The following PRRC1 variants were observed in gnomAD, a reference collection of about 807,000 sequenced individuals.
PRRC1 encodes protein PRRC1.
PRRC1 carries 39 observed loss-of-function variants against 40.7 expected under a neutral mutation model. The ratio of observed to expected loss-of-function variants is 0.96; its 90% CI spans 0.74 to 1.25. The LOEUF is 1.25. PRRC1 is among the 50% of genes most tolerant of loss of function. PRRC1 has a pLI of 0.00. For missense variants in PRRC1, 573 were observed against 548.3 expected (o/e 1.05, Z -0.45); for synonymous variants, 175 against 193.3 (o/e 0.91, Z 0.79).
rs894471135 is a variant in PRRC1 at position 127,552,449 on chromosome 5, C to T, written c.*533C>T. The T allele has an allele frequency of 1.0e-6, 1 of 986,946 alleles. No homozygotes were observed. 61.1% of individuals were successfully genotyped at this position (986,946 alleles called of 1,614,324 possible). On this transcript the variant is annotated 3_prime_UTR_variant, in exon 9 of 9. Coordinates refer to ENST00000296666, the MANE Select transcript of PRRC1 (RefSeq NM_130809.5). Reference sequence around the variant, plus strand: ...TCGGGAGATGTTCCACATTTCTGTGCATGTTTTCAGTAATATGGGCCAAAA... The same window carrying T: ...TCGGGAGATGTTCCACATTTCTGTGTATGTTTTCAGTAATATGGGCCAAAA...
rs73786124 is a variant in PRRC1, at chr5:127,531,377, A to G, written c.757+981A>G. Among the ~76,000 whole-genome samples the G allele has an allele frequency of 5.4e-3, 828 of 152,260 alleles. 9 individuals carry two copies. The highest frequency in any genetic ancestry group is 0.019 in the African/African-American group (803 of 41,552). Reference sequence around the variant, plus strand: ...CTTGTAGTAGAAAATTGAATCAAGCATTAAATCAACTGAGTTGTTCTTTGT... The same window carrying G: ...CTTGTAGTAGAAAATTGAATCAAGCGTTAAATCAACTGAGTTGTTCTTTGT... On this transcript the variant is annotated intron_variant, in intron 5 of 8. Coordinates refer to ENST00000296666, the MANE Select transcript of PRRC1 (RefSeq NM_130809.5).
chr5:127,529,348 CT>C (rs1459239479), intron 4 of PRRC1, among the ~76,000 whole-genome samples: 4 of 152,028 alleles, frequency 2.6e-5, no homozygotes, highest in Non-Finnish European at 5.9e-5. Context: ...CCCCTCTGTA[CT>C]TTTTTAAAAA....
chr5:127,539,881 A>C (rs940732773), intron 7 of PRRC1, among the ~76,000 whole-genome samples: 6 of 152,118 alleles, frequency 3.9e-5, no homozygotes, highest in Admixed American at 1.3e-4. Context: ...TGTAAAAAGG[A>C]AACATAATTT....
intron 5 of PRRC1, among the ~76,000 whole-genome samples, chr5:127,532,403 G>A (rs1205515230): frequency 1.3e-5 from 2 of 152,144 alleles, no homozygotes; most frequent in East Asian, 1.9e-4. Context: ...CACCGCGCCC[G>A]GCCATCTTAA....
At chr5:127,527,228 T>C (rs1767642181) in intron 4 of PRRC1, among the ~76,000 whole-genome samples, 1 of 152,216 alleles carries the variant, frequency 6.6e-6, no homozygotes. Flanking sequence ...TGTATGTGTT[T>C]ATTATGCACA....
At chr5:127,543,232 C>T (rs557898848) in intron 7 of PRRC1, among the ~76,000 whole-genome samples, 16 of 152,260 alleles carry the variant, frequency 1.1e-4, no homozygotes, top group South Asian at 2.1e-4. Context: ...GAGTTTCTGC[C>T]GAGAGATCTG....
In PRRC1 at chr5:127,523,601, C is replaced by T; in HGVS notation, c.103+19C>T. On this transcript the variant is annotated intron_variant, in intron 2 of 8. Coordinates refer to ENST00000296666, the MANE Select transcript of PRRC1 (RefSeq NM_130809.5). ...CCATTAGGTACATGTAGTTGTCTAA[C>T]ATCTCGTGTGTTTTGAGAATAGTGA... 1 of 1,476,632 alleles carries T rather than the reference C, an allele frequency of 6.8e-7. No homozygotes were observed. Among genetic ancestry groups the T allele is most frequent in the Non-Finnish European group, 9.3e-7 (1 of 1,076,208 alleles). 91.5% of individuals were successfully genotyped at this position (1,476,632 alleles called of 1,614,324 possible).
At chr5:127,518,954 C>T (rs1477511569) in intron 1 of PRRC1, among the ~76,000 whole-genome samples, 1 of 152,070 alleles carries the variant, frequency 6.6e-6, no homozygotes, top group African/African-American at 2.4e-5. Flanking sequence ...GTAGAAGGCA[C>T]TATGTTTATG....
At chr5:127,533,534 T>C (rs1326346749) in intron 5 of PRRC1, 89 bp from the exon 6 acceptor site, 2 of 1,007,544 alleles carry the variant, frequency 2.0e-6, no homozygotes, top group East Asian at 4.8e-5. Context: ...AATAATTATG[T>C]ATATTAGATG....
At chr5:127,532,693 A>T (rs994786726) in intron 5 of PRRC1, among the ~76,000 whole-genome samples, 6 of 152,234 alleles carry the variant, frequency 3.9e-5, no homozygotes, top group Non-Finnish European at 5.9e-5. Context: ...GTCAGTCAGG[A>T]AAAAGGGATC....
intron 1 of PRRC1, among the ~76,000 whole-genome samples, chr5:127,522,526 G>A (rs1580927501): frequency 6.6e-6 from 1 of 152,016 alleles, no homozygotes; most frequent in Non-Finnish European, 1.5e-5. Context: ...GAGTTGCTGG[G>A]ACCATAGGCA....
intron 1 of PRRC1, among the ~76,000 whole-genome samples, chr5:127,518,194 T>A (rs1767366258): frequency 6.6e-6 from 1 of 152,198 alleles, no homozygotes; most frequent in Non-Finnish European, 1.5e-5. Flanking sequence ...TGGCAGAGCC[T>A]GAGGGGAAGC....
intron 7 of PRRC1, among the ~76,000 whole-genome samples, chr5:127,544,971 G>A (rs1190438288): frequency 2.6e-5 from 4 of 152,200 alleles, no homozygotes; most frequent in Admixed American, 1.3e-4. Context: ...CGTCTTCTGC[G>A]TCGCTCACGC....
rs1767570435 is a variant in PRRC1 at position 127,524,782 on chromosome 5, A to G, written c.355A>G (p.Thr119Ala). The G allele has an allele frequency of 6.2e-6, 10 of 1,612,904 alleles. No individual in the cohort carries two copies. The highest frequency in any genetic ancestry group is 1.3e-5 in the African/African-American group (1 of 74,510). Reference sequence around the variant, plus strand: ...CCCACCTTCAACTTCTGCCCCAAACACTCTTTTACCTGCACCCCCTTCGGG... The same window carrying G: ...CCCACCTTCAACTTCTGCCCCAAACGCTCTTTTACCTGCACCCCCTTCGGG... ...HFPPSTSAPN[T>A]LLPAPPSGPP... Residue 119 changes from threonine to alanine, a missense_variant, in exon 3 of 9, where the codon ACT (threonine) becomes GCT (alanine). By Grantham distance (58) the Thr-to-Ala change is moderately conservative. Coordinates refer to ENST00000296666, the MANE Select transcript of PRRC1 (RefSeq NM_130809.5).
intron 7 of PRRC1, among the ~76,000 whole-genome samples, chr5:127,546,102 C>G (rs1768212344): frequency 6.6e-6 from 1 of 152,142 alleles, no homozygotes; most frequent in Admixed American, 6.5e-5. Context: ...GACAGTGTCT[C>G]ACATTGTCAG....
intron 5 of PRRC1, 38 bp downstream of exon 5, chr5:127,530,434 T>C: frequency 6.8e-7 from 1 of 1,465,846 alleles, no homozygotes; most frequent in Non-Finnish European, 9.5e-7. Context: ...GCCATTTTTT[T>C]TTTAAGGGTA....
At position 127,553,956 on chromosome 5, in the gene PRRC1, G is replaced by A. The variant is rs1481445385; in HGVS notation, c.*2040G>A. On this transcript the variant is annotated 3_prime_UTR_variant, in exon 9 of 9. Transcript: ENST00000296666. ...GGTCAGATGGAAGAGAGAAATACATGAACTGCTCTGGCCTCTCTGGTTCTG... is the reference window on the plus strand; with the variant it reads ...GGTCAGATGGAAGAGAGAAATACATAAACTGCTCTGGCCTCTCTGGTTCTG... 6.6e-7 allele frequency: 1 copy of A among 1,516,502 alleles called. No homozygotes were observed. The highest frequency in any genetic ancestry group is 2.5e-5 in the East Asian group (1 of 40,666). 93.9% of individuals were successfully genotyped at this position (1,516,502 alleles called of 1,614,324 possible).
chr5:127,545,477 T>C (rs1407679835), intron 7 of PRRC1, among the ~76,000 whole-genome samples: 1 of 152,038 alleles, frequency 6.6e-6, no homozygotes. Context: ...TGAGTTCATG[T>C]CCTTTGTAAG....
intron 6 of PRRC1, among the ~76,000 whole-genome samples, chr5:127,538,159 G>A (rs757388179): frequency 1.3e-4 from 19 of 151,940 alleles, no homozygotes; most frequent in Non-Finnish European, 2.2e-4. Context: ...ACACGTTCTC[G>A]CACAGTTGTC....
Sources: allele counts gnomAD v4.1 joint callset (sites outside exome capture counted in the v4.1 genomes callset), GRCh38; gene constraint gnomAD v4.1.1; transcripts MANE v1.5; gene names NCBI Gene and HGNC (gene_info 2026-07-23, HGNC 2026-07-21).